RHEB: variants seen among roughly 807,000 people sequenced by gnomAD.
The protein encoded by RHEB is Ras homolog, mTORC1 binding, also known as GTP-binding protein Rheb.
A neutral mutation model predicts 28.8 loss-of-function variants in RHEB; 2 were observed. The ratio of observed to expected loss-of-function variants is 0.07; its 90% CI spans 0.03 to 0.22. The LOEUF (loss-of-function observed/expected upper bound fraction) is 0.22. Ranked by LOEUF, RHEB falls within the 10% of genes least tolerant of loss-of-function variation. The pLI is 1.00. For synonymous variants in RHEB, 69 were observed against 77.3 expected (o/e 0.89, Z 0.56); for missense variants, 76 against 219.9 (o/e 0.35, Z 4.14).
At chr7:151,502,929 A>G in intron 1 of RHEB, 1 of 792,038 alleles carries the variant, frequency 1.3e-6, no homozygotes, top group Non-Finnish European at 2.3e-6. Context: ...GATATATCCT[A>G]TGGTGGTGAA....
chr7:151,517,711 G>A (rs1399898343), intron 1 of RHEB, among the ~76,000 whole-genome samples: 2 of 149,284 alleles, frequency 1.3e-5, no homozygotes, highest in Admixed American at 1.3e-4. Flanking sequence ...AAAAAAAAGT[G>A]ATAAAACTAG....
intron 1 of RHEB, among the ~76,000 whole-genome samples, chr7:151,506,563 C>T (rs1802883883): frequency 6.6e-6 from 1 of 152,064 alleles, no homozygotes; most frequent in Non-Finnish European, 1.5e-5. Context: ...ATTAGTAATA[C>T]TATTAGTAAC....
chr7:151,519,683 G>C lies in RHEB; in HGVS notation c.-172C>G, dbSNP rs905461804. On this transcript the variant is annotated 5_prime_UTR_variant, in exon 1 of 8. Coordinates refer to ENST00000262187, the MANE Select transcript of RHEB (RefSeq NM_005614.4). ...CGCGCGCTCCCAACCGCCCGGAACCGACCGCGCGGCGGCGCCCCTCCCCCC... is the reference window on the plus strand; with the variant it reads ...CGCGCGCTCCCAACCGCCCGGAACCCACCGCGCGGCGGCGCCCCTCCCCCC... 3 of 446,832 alleles carry C rather than the reference G, an allele frequency of 6.7e-6. No individual in the cohort carries two copies. In the East Asian group the frequency reaches 1.2e-4, roughly 18 times the overall value. 27.7% of individuals were successfully genotyped at this position (446,832 alleles called of 1,614,324 possible).
chr7:151,477,324 G>C lies in RHEB; in HGVS notation c.275+9C>G. 1 of 1,503,454 alleles carries C rather than the reference G, an allele frequency of 6.7e-7. No individual in the cohort carries two copies. The allele number at this position is 1,503,454 out of a possible 1,614,324, so 93.1% of individuals were successfully genotyped here. A position where few individuals can be genotyped will look rare whatever the true frequency, so the allele number is the denominator to read the frequency against. Reference sequence around the variant, plus strand: ...GCAAATCAACTCAAGCAGGCAGCAGGAGTCTTACCTTTTGATTGATGTAAC... The same window carrying C: ...GCAAATCAACTCAAGCAGGCAGCAGCAGTCTTACCTTTTGATTGATGTAAC... On this transcript the variant is annotated intron_variant, in intron 4 of 7. Coordinates refer to ENST00000262187, the MANE Select transcript of RHEB (RefSeq NM_005614.4).
chr7:151,484,128 C>T (rs1802425979), intron 3 of RHEB, among the ~76,000 whole-genome samples: 1 of 152,114 alleles, frequency 6.6e-6, no homozygotes, highest in Non-Finnish European at 1.5e-5. Flanking sequence ...TCCAGTCAAA[C>T]TGGTATTTTA....
chr7:151,505,550 G>GT (rs1237266062), intron 1 of RHEB, among the ~76,000 whole-genome samples: 3 of 152,202 alleles, frequency 2.0e-5, no homozygotes, highest in African/African-American at 7.2e-5. Flanking sequence ...TGTGCTGCTA[G>GT]TGGAGGCATA....
chr7:151,466,999 C>G lies in RHEB; in HGVS notation c.*120G>C, dbSNP rs2150918204. 1.4e-6 allele frequency: 1 copy of G among 704,066 alleles called. No individual in the cohort carries two copies. Among genetic ancestry groups the G allele is most frequent in the South Asian group, 1.8e-5 (1 of 56,800 alleles). The allele number at this position is 704,066 out of a possible 1,614,324, so 43.6% of individuals were successfully genotyped here. A position where few individuals can be genotyped will look rare whatever the true frequency, so the allele number is the denominator to read the frequency against. ...ATCTGAAGGGAGGGGAGCTCTGACC[C>G]AAATGATATCTTTCAGGTTAACAGA... On this transcript the variant is annotated 3_prime_UTR_variant, in exon 8 of 8. Transcript: ENST00000262187.
At chr7:151,508,689 C>A (rs1802931410) in intron 1 of RHEB, among the ~76,000 whole-genome samples, 1 of 147,856 alleles carries the variant, frequency 6.8e-6, no homozygotes, top group South Asian at 2.1e-4. Flanking sequence ...CAGGGTTTCG[C>A]TGTGTTGCCC....
intron 3 of RHEB, among the ~76,000 whole-genome samples, chr7:151,483,193 C>G (rs1000854206): frequency 3.3e-5 from 5 of 152,206 alleles, no homozygotes; most frequent in African/African-American, 1.2e-4. Flanking sequence ...TCCTCCAATG[C>G]TAACATCACT....
intron 2 of RHEB, among the ~76,000 whole-genome samples, chr7:151,486,851 G>A (rs993600012): frequency 6.6e-6 from 1 of 152,314 alleles, no homozygotes; most frequent in African/African-American, 2.4e-5. Context: ...GAAGTGGGAT[G>A]TAAGAAAATG....
chr7:151,514,200 C>G (rs987948018), intron 1 of RHEB, among the ~76,000 whole-genome samples: 1 of 152,132 alleles, frequency 6.6e-6, no homozygotes, highest in African/African-American at 2.4e-5. Flanking sequence ...CTATCCCTCC[C>G]TCACATCATA....
chr7:151,479,661 C>T (rs1385785999), intron 3 of RHEB, among the ~76,000 whole-genome samples: 19 of 132,220 alleles, frequency 1.4e-4, no homozygotes, highest in East Asian at 4.3e-4. Context: ...CCAGCCTGGG[C>T]GATAGAGCGA....
At chr7:151,498,892 C>T (rs576325277) in intron 1 of RHEB, among the ~76,000 whole-genome samples, 2 of 150,100 alleles carry the variant, frequency 1.3e-5, no homozygotes, top group South Asian at 4.1e-4. Context: ...CATTCCATTC[C>T]ATTCTGAATC....
At chr7:151,516,549 G>T (rs907739913) in intron 1 of RHEB, among the ~76,000 whole-genome samples, 1 of 149,656 alleles carries the variant, frequency 6.7e-6, no homozygotes, top group Non-Finnish European at 1.5e-5. Flanking sequence ...GTTGAACCTG[G>T]GCAGCAGAGG....
intron 1 of RHEB, among the ~76,000 whole-genome samples, chr7:151,508,123 C>T (rs1802920607): frequency 1.3e-5 from 2 of 152,092 alleles, no homozygotes; most frequent in Non-Finnish European, 2.9e-5. Flanking sequence ...GGAGAGAAGA[C>T]CTGGGATACA....
chr7:151,466,849 A>C lies in RHEB; in HGVS notation c.*270T>G, dbSNP rs1055553076. The C allele has an allele frequency of 5.7e-6, 2 of 349,132 alleles. No individual in the cohort carries two copies. The highest frequency in any genetic ancestry group is 4.2e-5 in the African/African-American group (2 of 47,904). 21.6% of individuals were successfully genotyped at this position (349,132 alleles called of 1,614,324 possible). ...TTATTTTAAACAACAAACTACACTG[A>C]AAAATTAATGCCGATAAAATTCTTG... is the stretch of plus-strand genomic sequence containing the variant. On this transcript the variant is annotated 3_prime_UTR_variant, in exon 8 of 8. Transcript: ENST00000262187.
At chr7:151,519,286 A>C in intron 1 of RHEB, 174 bp downstream of exon 1, 2 of 332,078 alleles carry the variant, frequency 6.0e-6, no homozygotes, top group Non-Finnish European at 9.8e-6. Context: ...ACCGGCGCGG[A>C]CGCCGCCCCG....
In RHEB at chr7:151,509,142, G is replaced by A. The variant is rs7790493; in HGVS notation, c.52+10318C>T. On this transcript the variant is annotated intron_variant, in intron 1 of 7. Coordinates refer to ENST00000262187, the MANE Select transcript of RHEB (RefSeq NM_005614.4). Reference sequence around the variant, plus strand: ...GACACTGCCTGCCTGAGTGGGCAACGTGAGCGTGTGGGGCCACCCGGGCCC... The same window carrying A: ...GACACTGCCTGCCTGAGTGGGCAACATGAGCGTGTGGGGCCACCCGGGCCC... Among the ~76,000 whole-genome samples the A allele has an allele frequency of 4.8e-3, 729 of 152,280 alleles. 4 individuals carry two copies. Among genetic ancestry groups the A allele is most frequent in the African/African-American group, 0.017 (713 of 41,558 alleles).
intron 3 of RHEB, among the ~76,000 whole-genome samples, chr7:151,481,509 T>C (rs1205964486): frequency 6.6e-6 from 1 of 152,232 alleles, no homozygotes; most frequent in East Asian, 1.9e-4. Flanking sequence ...AGCCCCCGTA[T>C]GCATCCAATT....
Sources: allele counts gnomAD v4.1 joint callset (sites outside exome capture counted in the v4.1 genomes callset), GRCh38; gene constraint gnomAD v4.1.1; transcripts MANE v1.5; gene names NCBI Gene and HGNC (gene_info 2026-07-23, HGNC 2026-07-21).